Variants in RNF19A observed in about 807,000 individuals in gnomAD.
The protein encoded by RNF19A is ring finger protein 19A, RBR E3 ubiquitin protein ligase.
RNF19A carries 32 observed loss-of-function variants against 75.7 expected under a neutral mutation model. That is an observed-to-expected ratio of 0.42 (90% CI 0.32 to 0.57). The LOEUF (loss-of-function observed/expected upper bound fraction) is 0.57. Among genes scored for constraint, RNF19A ranks in the 20% least tolerant of loss-of-function variants. The probability of loss-of-function intolerance (pLI) is 0.10; values close to 1 mark genes in which losing one functional copy is unlikely to be tolerated. For missense variants in RNF19A, 782 were observed against 1,036.3 expected (o/e 0.75, Z 3.37); for synonymous variants, 335 against 345.2 (o/e 0.97, Z 0.33).
chr8:100,272,176 A>G (rs895794229), intron 3 of RNF19A, among the ~76,000 whole-genome samples: 1 of 152,174 alleles, frequency 6.6e-6, no homozygotes, highest in African/African-American at 2.4e-5. Flanking sequence ...AATGAAAAAT[A>G]TGTGGTTCAT....
chr8:100,318,967 C>G (rs1313004426), intron 1 of RNF19A, among the ~76,000 whole-genome samples: 2 of 152,238 alleles, frequency 1.3e-5, no homozygotes, highest in African/African-American at 4.8e-5. Context: ...CCCCAGGCAA[C>G]TGTTCTTCCT....
intron 1 of RNF19A, among the ~76,000 whole-genome samples, chr8:100,308,686 CT>C (rs917468725): frequency 2.3e-5 from 3 of 132,634 alleles, no homozygotes; most frequent in African/African-American, 5.1e-5. Context: ...GAACCATGTT[CT>C]TTAAAAAAAA....
rs191822457 is a variant in RNF19A at position 100,307,870 on chromosome 8, G to A, written c.-94+1997C>T. Among the ~76,000 whole-genome samples the A allele has an allele frequency of 5.9e-5, 9 of 152,114 alleles. No homozygotes were observed. In the East Asian group the frequency reaches 7.7e-4, roughly 13 times the overall value. On this transcript the variant is annotated intron_variant, in intron 1 of 9. Coordinates refer to ENST00000341084, the MANE Select transcript of RNF19A (RefSeq NM_183419.4). ...AGTATCTTTAAAAATAGGAATCTTA[G>A]CACCTCTCGTGTGTTAGGCAGAAAA...
chr8:100,293,437 T>C (rs1586659851), intron 1 of RNF19A, among the ~76,000 whole-genome samples: 1 of 152,262 alleles, frequency 6.6e-6, no homozygotes, highest in Non-Finnish European at 1.5e-5. Context: ...CACTGTCTTC[T>C]GGCCTCCATC....
Position 100,267,065 on chromosome 8 carries a change from C to T in RNF19A, c.1191+1720G>A, listed in dbSNP as rs572115123. Among the ~76,000 whole-genome samples, 4 of 152,178 alleles carry T rather than the reference C, an allele frequency of 2.6e-5. No individual in the cohort carries two copies. In the South Asian group the frequency reaches 6.2e-4, roughly 24 times the overall value. On this transcript the variant is annotated intron_variant, in intron 5 of 9. Coordinates refer to ENST00000341084, the MANE Select transcript of RNF19A (RefSeq NM_183419.4). ...CAAAAGGAAACAGATCTGACTCAAA[C>T]GTAACAATTTTGTAACAATTAGTAG...
Position 100,287,748 on chromosome 8 carries a change from T to C in RNF19A, c.427A>G (p.Arg143Gly). ...PLCLLRHSKD[R>G]FPDIMTCHHR... The stretch of plus-strand genomic sequence containing the variant: ...TGACAAGTCATTATATCAGGAAATC[T>C]GTCTTTAGAATGCCGCAAAAGGCAC... The change falls in exon 2 of 10, where the codon AGA becomes GGA. Residue 143 changes from arginine (R) to glycine (G), a missense_variant. Arg to Gly is a moderately radical substitution (Grantham distance 125). Transcript: ENST00000341084. The surrounding 1 kb of genome is among the most constrained non-coding windows in gnomAD (Gnocchi z 4.1). The C allele has an allele frequency of 1.2e-6, 2 of 1,614,178 alleles. No homozygotes were observed. Among genetic ancestry groups the C allele is most frequent in the Non-Finnish European group, 8.5e-7 (1 of 1,180,036 alleles).
intron 1 of RNF19A, among the ~76,000 whole-genome samples, chr8:100,296,674 T>C (rs1473853185): frequency 6.6e-6 from 1 of 152,222 alleles, no homozygotes; most frequent in Non-Finnish European, 1.5e-5. Context: ...AGGTTAACTG[T>C]TAATGCTGAG....
chr8:100,276,723 C>CAAAAAAAAAAAAAAAAAAAAAA (rs60419107), intron 2 of RNF19A, among the ~76,000 whole-genome samples: 1 of 80,600 alleles, frequency 1.2e-5, no homozygotes, highest in Non-Finnish European at 2.8e-5. Context: ...ACCACTGTAC[C>CAAAAAAAAAAAAAAAAAAAAAA]AAAAAAAAAA....
chr8:100,259,824 CTTTCAAT>C lies in RNF19A; in HGVS notation c.1826+23_1826+29del. On this transcript the variant is annotated intron_variant, in intron 9 of 9. Coordinates refer to ENST00000341084, the MANE Select transcript of RNF19A (RefSeq NM_183419.4). The surrounding 1 kb of genome is among the most constrained non-coding windows in gnomAD (Gnocchi z 4.5). ...AATTATTCCTTTAATTTAAAAAATA[CTTTCAAT>C]TTTTTAACAGTTTTTTCCTTACTTG... is the stretch of plus-strand genomic sequence containing the variant. 6.4e-7 allele frequency: 1 copy of C among 1,569,630 alleles called. No individual in the cohort carries two copies. The highest frequency in any genetic ancestry group is 8.7e-7 in the Non-Finnish European group (1 of 1,147,718).
At chr8:100,301,895 C>CTGAAGGAGG (rs1821847178) in intron 1 of RNF19A, among the ~76,000 whole-genome samples, 1 of 151,688 alleles carries the variant, frequency 6.6e-6, no homozygotes, top group Non-Finnish European at 1.5e-5. Context: ...TAGCAGAGAC[C>CTGAAGGAGG]TGAAGGAGGT....
At chr8:100,320,019 A>G (rs1442680531) in intron 1 of RNF19A, among the ~76,000 whole-genome samples, 1 of 148,870 alleles carries the variant, frequency 6.7e-6, no homozygotes, top group African/African-American at 2.5e-5. Context: ...TATTTTTAGT[A>G]GAGATGGAGT....
At chr8:100,297,425 G>A (rs987815835) in intron 1 of RNF19A, among the ~76,000 whole-genome samples, 4 of 152,154 alleles carry the variant, frequency 2.6e-5, no homozygotes, top group African/African-American at 9.7e-5. Context: ...GCTGTTACAT[G>A]CTCATCTGCT....
upstream of RNF19A, chr8:100,310,276 G>C (rs1183033740): frequency 4.1e-6 from 4 of 979,622 alleles, no homozygotes; most frequent in Non-Finnish European, 4.8e-6. Context: ...TTCGTTCCGC[G>C]CCCGCGCAGG....
At chr8:100,319,191 G>A (rs1234515698) in intron 1 of RNF19A, among the ~76,000 whole-genome samples, 3 of 152,176 alleles carry the variant, frequency 2.0e-5, no homozygotes, top group African/African-American at 7.2e-5. Flanking sequence ...AATTGAGCTT[G>A]TAGTTAAACC....
Position 100,288,176 on chromosome 8 carries a change from C to T in RNF19A, c.-2G>A, listed in dbSNP as rs1200134752. The T allele has an allele frequency of 6.3e-7, 1 of 1,592,648 alleles. No individual in the cohort carries two copies. Among genetic ancestry groups the T allele is most frequent in the African/African-American group, 1.3e-5 (1 of 74,228 alleles). On this transcript the variant is annotated 5_prime_UTR_variant, in exon 2 of 10. It removes the in-frame stop codon of an upstream open reading frame in the 5' UTR. Coordinates refer to ENST00000341084, the MANE Select transcript of RNF19A (RefSeq NM_183419.4). ...AAAACCTATTTCTTGTTCTTGCATT[C>T]ACATTAAGTCATGATGTAAGAATAT...
chr8:100,316,843 G>A (rs1006075910), intron 1 of RNF19A, among the ~76,000 whole-genome samples: 18 of 152,226 alleles, frequency 1.2e-4, no homozygotes, highest in African/African-American at 3.1e-4. Context: ...CCTGGGGGAG[G>A]CTCAGGCCGC....
intron 1 of RNF19A, among the ~76,000 whole-genome samples, chr8:100,318,883 G>A (rs1423954118): frequency 1.3e-5 from 2 of 152,166 alleles, no homozygotes; most frequent in Non-Finnish European, 2.9e-5. Context: ...ATCAGATTTG[G>A]GAATGCACAG....
rs146954005 is a variant in RNF19A, at chr8:100,284,506, T to C, written c.674+2995A>G. Reference sequence around the variant, plus strand: ...CTATGACAACCAATAACACCAAAAATTAATGTATGGCCAAATTAATCACGG... The same window carrying C: ...CTATGACAACCAATAACACCAAAAACTAATGTATGGCCAAATTAATCACGG... On this transcript the variant is annotated intron_variant, in intron 2 of 9. Coordinates refer to ENST00000341084, the MANE Select transcript of RNF19A (RefSeq NM_183419.4). The surrounding 1 kb of genome is among the most constrained non-coding windows in gnomAD (Gnocchi z 4.3). Among the ~76,000 whole-genome samples the C allele has an allele frequency of 1.1e-3, 164 of 152,258 alleles. No individual in the cohort carries two copies. Among genetic ancestry groups the C allele is most frequent in the African/African-American group, 3.8e-3 (156 of 41,564 alleles).
Position 100,275,186 on chromosome 8 carries a change from T to C in RNF19A, c.675-25A>G. Reference sequence around the variant, plus strand: ...TCTTGAAAGAACAAGAAAAATGATTTAAAATGTGACATAAAACAAGAGATA... The same window carrying C: ...TCTTGAAAGAACAAGAAAAATGATTCAAAATGTGACATAAAACAAGAGATA... On this transcript the variant is annotated intron_variant, in intron 2 of 9. Coordinates refer to ENST00000341084, the MANE Select transcript of RNF19A (RefSeq NM_183419.4). The surrounding 1 kb of genome is among the most constrained non-coding windows in gnomAD (Gnocchi z 4.3). The C allele has an allele frequency of 6.3e-7, 1 of 1,595,678 alleles. No homozygotes were observed. Among genetic ancestry groups the C allele is most frequent in the Non-Finnish European group, 8.6e-7 (1 of 1,163,990 alleles).
Sources: gnomAD v4.1 joint callset for allele counts (sites outside exome capture counted in the v4.1 genomes callset) on GRCh38, gnomAD v4.1.1 for gene constraint, Gnocchi (gnomAD v3.1) non-coding constraint, MANE v1.5 for transcripts, NCBI Gene and HGNC (gene_info 2026-07-23, HGNC 2026-07-21) for gene names.